MME: variants seen among roughly 807,000 people sequenced by gnomAD.
MME encodes membrane metalloendopeptidase.
A neutral mutation model predicts 113.2 loss-of-function variants in MME; 98 were observed. The ratio of observed to expected loss-of-function variants is 0.87; its 90% CI spans 0.74 to 1.02. The LOEUF is 1.02. Among genes scored for constraint, MME ranks in the 50% least tolerant of loss-of-function variants. The probability of loss-of-function intolerance (pLI) is 0.00; values close to 1 mark genes in which losing one functional copy is unlikely to be tolerated. For missense variants in MME, 836 were observed against 896.0 expected, an observed-to-expected ratio of 0.93 and a Z score of 0.86; for synonymous variants, 292 against 300.6, an observed-to-expected ratio of 0.97 and a Z score of 0.30.
chr3:155,172,609 T>G lies in MME; in HGVS notation c.2150T>G (p.Phe717Cys). Residue 717 changes from phenylalanine to cysteine, a missense_variant, in exon 22 of 23, where the codon TTC (phenylalanine) becomes TGC (cysteine). Coordinates refer to ENST00000360490, the MANE Select transcript of MME (RefSeq NM_007289.4). ...IKTDVHSPGNFRIIGTLQNSA... is the reference protein window; with the variant it reads ...IKTDVHSPGNCRIIGTLQNSA... ...ACAGATGTGCACAGTCCAGGCAATT[T>G]CAGGTGCGTGGATATGAACAGCAAT... is the stretch of plus-strand genomic sequence containing the variant. The G allele has an allele frequency of 6.2e-7, 1 of 1,610,814 alleles. No homozygotes were observed.
rs77704099 is a variant in MME at position 155,028,914 on chromosome 3, A to G, written c.-11+4590A>G. ...AAATTTGATTTGGGGAAGTACAGCA[A>G]ATATCAAAGGTTTAAAACACTTCAT... is the stretch of plus-strand genomic sequence containing the variant. On this transcript the variant is annotated intron_variant, in intron 1 of 22. Coordinates refer to the MME transcript ENST00000492661. Among the ~76,000 whole-genome samples, 122 of 152,322 alleles carry G rather than the reference A, an allele frequency of 8.0e-4. 1 individual carries two copies. The East Asian group carries it at 0.021, about 26-fold the overall frequency.
At chr3:155,178,349 G>A (rs943563950) in intron 22 of MME, among the ~76,000 whole-genome samples, 4 of 152,130 alleles carry the variant, frequency 2.6e-5, no homozygotes, top group Non-Finnish European at 5.9e-5. Context: ...ATATTAGAAA[G>A]TCAGACTTAC....
intron 1 of MME, among the ~76,000 whole-genome samples, chr3:155,073,733 C>CT (rs959827287): frequency 9.3e-5 from 14 of 150,042 alleles, no homozygotes; most frequent in African/African-American, 2.2e-4. Context: ...CTTTTCTTGC[C>CT]TTTTTTTTTA....
chr3:155,093,535 T>C (rs1045430670), intron 3 of MME, among the ~76,000 whole-genome samples: 3 of 152,162 alleles, frequency 2.0e-5, no homozygotes, highest in African/African-American at 7.2e-5. Flanking sequence ...TGCTGCGAGA[T>C]GTTTTCCTTT....
chr3:155,110,028 T>G (rs1314932494), intron 3 of MME, among the ~76,000 whole-genome samples: 1 of 152,230 alleles, frequency 6.6e-6, no homozygotes, highest in African/African-American at 2.4e-5. Flanking sequence ...AAGCTGTACA[T>G]TGTCCTGCCT....
At chr3:155,082,754 G>A (rs1715267958) in intron 1 of MME, among the ~76,000 whole-genome samples, 1 of 152,196 alleles carries the variant, frequency 6.6e-6, no homozygotes, top group African/African-American at 2.4e-5. Context: ...AGGTCTAGCT[G>A]TGGTTCGCTT....
chr3:155,034,697 C>T (rs1485561952), intron 1 of MME, among the ~76,000 whole-genome samples: 1 of 152,120 alleles, frequency 6.6e-6, no homozygotes, highest in Non-Finnish European at 1.5e-5. Flanking sequence ...AAATATCTAG[C>T]AGTCATTACT....
rs1399764401 is a variant in MME, at chr3:155,125,263, G to C, written c.720+6452G>C. ...CGCTTCCCAGGTGAGGCAATGCCTC[G>C]CCCTGCTTCGGCTCACGCACGGTGC... On this transcript the variant is annotated intron_variant, in intron 8 of 22. Coordinates refer to ENST00000360490, the MANE Select transcript of MME (RefSeq NM_007289.4). Among the ~76,000 whole-genome samples, 2 of 140,870 alleles carry C rather than the reference G, an allele frequency of 1.4e-5. 1 individual carries two copies. Among genetic ancestry groups the C allele is most frequent in the South Asian group, 4.8e-4 (2 of 4,126 alleles). 92.4% of individuals were successfully genotyped at this position (140,870 alleles called of 152,430 possible).
At chr3:155,038,501 G>C (rs992446108) in intron 1 of MME, among the ~76,000 whole-genome samples, 4 of 152,018 alleles carry the variant, frequency 2.6e-5, no homozygotes, top group Non-Finnish European at 4.4e-5. Context: ...TTAGATTTTC[G>C]ATCTACAGAG....
At chr3:155,068,962 ATTGT>A (rs759745556) in intron 1 of MME, among the ~76,000 whole-genome samples, 54 of 152,178 alleles carry the variant, frequency 3.5e-4, no homozygotes, top group Non-Finnish European at 8.8e-5. Context: ...TTGTAAATTC[ATTGT>A]TTGTTGGGGA....
intron 4 of MME, 64 bp from the exon 5 acceptor site, chr3:155,116,415 A>G: frequency 5.0e-6 from 6 of 1,206,834 alleles, no homozygotes; most frequent in Non-Finnish European, 7.4e-6. Flanking sequence ...CAAATGAGCA[A>G]TTATGTTTGC....
chr3:155,177,617 G>A (rs1287399346), intron 22 of MME, among the ~76,000 whole-genome samples: 1 of 152,096 alleles, frequency 6.6e-6, no homozygotes, highest in South Asian at 2.1e-4. Context: ...ATCAGGTTCT[G>A]GTGAGGGCCA....
intron 16 of MME, among the ~76,000 whole-genome samples, chr3:155,153,130 G>T (rs566078282): frequency 6.6e-6 from 1 of 151,458 alleles, no homozygotes; most frequent in Admixed American, 6.6e-5. Flanking sequence ...AGGTTCAAGC[G>T]ATTCTCCTGC....
chr3:155,084,305 C>T lies in MME; in HGVS notation c.138C>T (p.Ile46=), dbSNP rs200338110. 84 of 1,614,014 alleles carry T rather than the reference C, an allele frequency of 5.2e-5. No homozygotes were observed. Among genetic ancestry groups the T allele is most frequent in the Non-Finnish European group, 6.9e-5 (82 of 1,180,024 alleles). The part of the protein sequence containing the change: ...LLLTIIAVTM[I]ALYATYDDGI... ...TCACCATCATAGCTGTGACAATGAT[C>T]GCACTCTATGCAACCTACGATGGTG... Residue 46 remains isoleucine, a synonymous_variant, in exon 2 of 23, where the codon ATC becomes ATT. Coordinates refer to ENST00000360490, the MANE Select transcript of MME (RefSeq NM_007289.4).
chr3:155,179,403 A>G (rs1020465379), intron 22 of MME, among the ~76,000 whole-genome samples: 7 of 152,178 alleles, frequency 4.6e-5, no homozygotes, highest in Admixed American at 2.0e-4. Context: ...AATTTTACAG[A>G]TCATTCTGAC....
Position 155,172,552 on chromosome 3 carries a change from A to G in MME, c.2093A>G (p.Tyr698Cys). Residue 698 changes from tyrosine (Y) to cysteine (C), a missense_variant, in exon 22 of 23, where the codon TAT (tyrosine) becomes TGT (cysteine). By Grantham distance (194) the Tyr-to-Cys change is radical. Transcript: ENST00000360490. The part of the protein sequence containing the change: ...LNFAQVWCGT[Y>C]RPEYAVNSIK... ...TATCTCTAGGTGTGGTGTGGAACCT[A>G]TAGGCCAGAGTATGCGGTTAACTCC... 1.2e-6 allele frequency: 2 copies of G among 1,612,492 alleles called. No homozygotes were observed. Among genetic ancestry groups the G allele is most frequent in the Non-Finnish European group, 1.7e-6 (2 of 1,178,720 alleles).
chr3:155,077,338 T>C (rs892386268), upstream of MME, among the ~76,000 whole-genome samples: 2 of 152,226 alleles, frequency 1.3e-5, no homozygotes, highest in Non-Finnish European at 2.9e-5. Context: ...TAATAACTTA[T>C]GTATGGCCAC....
intron 1 of MME, among the ~76,000 whole-genome samples, chr3:155,025,844 G>A (rs896160829): frequency 1.6e-4 from 24 of 150,712 alleles, no homozygotes; most frequent in East Asian, 6.1e-4. Flanking sequence ...ACAGGTGCCC[G>A]CCACCATACC....
chr3:155,115,419 TTTTGTTTGTTTG>T (rs140150260), intron 4 of MME, among the ~76,000 whole-genome samples: 1 of 151,216 alleles, frequency 6.6e-6, no homozygotes, highest in African/African-American at 2.4e-5. Flanking sequence ...AGGTTTGGTT[TTTTGTTTGTTTG>T]TTTGTTTGTT....
Sources: gnomAD v4.1 joint callset for allele counts (sites outside exome capture counted in the v4.1 genomes callset) on GRCh38, gnomAD v4.1.1 for gene constraint, MANE v1.5 for transcripts, NCBI Gene and HGNC (gene_info 2026-07-23, HGNC 2026-07-21) for gene names.